HDAC9: variants seen among roughly 807,000 people sequenced by gnomAD.
The protein encoded by HDAC9 is MEF-2 interacting transcription repressor (MITR) protein.
A neutral mutation model predicts 139.4 loss-of-function variants in HDAC9; 41 were observed. That is an observed-to-expected ratio of 0.29 (90% CI 0.23 to 0.38). HDAC9 has a LOEUF of 0.38. Among genes scored for constraint, HDAC9 ranks in the 10% least tolerant of loss-of-function variants. The pLI, the probability that HDAC9 is intolerant of heterozygous loss-of-function variation, is 1.00. For synonymous variants in HDAC9, 517 were observed against 476.2 expected (o/e 1.09, Z -1.12); for missense variants, 1,147 against 1,297.0 (o/e 0.88, Z 1.78).
chr7:18,333,075 C>A (rs1011498726), intron 1 of HDAC9, among the ~76,000 whole-genome samples: 1 of 151,328 alleles, frequency 6.6e-6, no homozygotes, highest in Non-Finnish European at 1.5e-5. Flanking sequence ...ATACTGTATT[C>A]TCTGATCACA....
At chr7:18,845,140 G>T (rs552228578) in intron 21 of HDAC9, among the ~76,000 whole-genome samples, 1 of 152,110 alleles carries the variant, frequency 6.6e-6, no homozygotes, top group South Asian at 2.1e-4. Flanking sequence ...GGTTTTTTGA[G>T]GGTGTGACAA....
chr7:18,931,289 A>G (rs1457856340), intron 22 of HDAC9, among the ~76,000 whole-genome samples: 1 of 152,036 alleles, frequency 6.6e-6, no homozygotes, highest in East Asian at 1.9e-4. Flanking sequence ...CATTCTTTTT[A>G]TTGTCATCCC....
intron 15 of HDAC9, 45 bp downstream of exon 15, chr7:18,762,322 C>T: frequency 6.2e-7 from 1 of 1,602,072 alleles, no homozygotes; most frequent in Non-Finnish European, 8.5e-7. Context: ...CATTCCAGCA[C>T]TATCATTAGT....
intron 2 of HDAC9, among the ~76,000 whole-genome samples, chr7:18,210,294 T>C (rs1791846328): frequency 6.6e-6 from 1 of 152,342 alleles, no homozygotes; most frequent in East Asian, 1.9e-4. Context: ...AATTAGATTG[T>C]TAATTTTCAA....
Position 18,484,982 on chromosome 7 carries a change from CAT to C in HDAC9, c.-41-11278_-41-11277del, listed in dbSNP as rs550402354. ...AGTACCATTGAGAATTTCCTTCAGA[CAT>C]AGCCAAAATAAGACAACAGTCCCTG... On this transcript the variant is annotated intron_variant, in intron 1 of 3. Coordinates refer to the HDAC9 transcript ENST00000413509. Among the ~76,000 whole-genome samples, 12 of 152,252 alleles carry C rather than the reference CAT, an allele frequency of 7.9e-5. No homozygotes were observed. The South Asian group carries it at 2.5e-3, about 32-fold the overall frequency.
At chr7:18,361,539 A>G (rs1242937798) in intron 1 of HDAC9, among the ~76,000 whole-genome samples, 4 of 152,196 alleles carry the variant, frequency 2.6e-5, no homozygotes, top group Non-Finnish European at 4.4e-5. Flanking sequence ...CTTATTCTGT[A>G]TATTTGGTAA....
rs913802216 is a variant in HDAC9 at position 18,850,468 on chromosome 7, A to G, written c.2684+14471A>G. 3.3e-5 allele frequency among the ~76,000 whole-genome samples: 5 copies of G among 152,182 alleles called. No homozygotes were observed. The East Asian group carries it at 9.6e-4, about 29-fold the overall frequency. Reference sequence around the variant, plus strand: ...ACCTACAGAATGCTTTCTTCTGTGGACCATTAGTAGATTTTTTCCTGAGCC... The same window carrying G: ...ACCTACAGAATGCTTTCTTCTGTGGGCCATTAGTAGATTTTTTCCTGAGCC... On this transcript the variant is annotated intron_variant, in intron 21 of 25. Transcript: ENST00000686413.
intron 6 of HDAC9, among the ~76,000 whole-genome samples, chr7:18,619,420 C>T (rs1243684477): frequency 6.6e-6 from 1 of 152,100 alleles, no homozygotes; most frequent in East Asian, 1.9e-4. Flanking sequence ...TATGTTCTTG[C>T]TAAGTACTGG....
At chr7:18,986,691 TC>T (rs1785386077) in intron 25 of HDAC9, among the ~76,000 whole-genome samples, 2 of 152,344 alleles carry the variant, frequency 1.3e-5, no homozygotes, top group African/African-American at 4.8e-5. Context: ...GATTGATTCT[TC>T]CTACCCATGA....
intron 23 of HDAC9, among the ~76,000 whole-genome samples, chr7:18,938,581 G>A (rs1781815650): frequency 6.6e-6 from 1 of 151,630 alleles, no homozygotes; most frequent in South Asian, 2.1e-4. Flanking sequence ...GGCGACAGAG[G>A]CGAGACTCCG....
At chr7:18,187,895 A>T (rs1284818868) in intron 2 of HDAC9, among the ~76,000 whole-genome samples, 1 of 152,182 alleles carries the variant, frequency 6.6e-6, no homozygotes, top group Non-Finnish European at 1.5e-5. Context: ...CATGTTTCCC[A>T]GGCTTGTCTG....
At chr7:18,417,122 C>A (rs1294551205) in intron 1 of HDAC9, among the ~76,000 whole-genome samples, 1 of 152,108 alleles carries the variant, frequency 6.6e-6, no homozygotes, top group African/African-American at 2.4e-5. Flanking sequence ...TTTTTATTAT[C>A]TAATTTTCTA....
rs572949321 is a variant in HDAC9 at position 18,581,718 on chromosome 7, A to T, written c.23-3563A>T. On this transcript the variant is annotated intron_variant, in intron 2 of 25. Coordinates refer to ENST00000686413, the MANE Select transcript of HDAC9 (RefSeq NM_178425.4). Reference sequence around the variant, plus strand: ...ATTAACTGCCATTGCTTTTGGTTGGAATTATGCCAAGTCTTTTAGTTAATA... The same window carrying T: ...ATTAACTGCCATTGCTTTTGGTTGGTATTATGCCAAGTCTTTTAGTTAATA... Among the ~76,000 whole-genome samples the T allele has an allele frequency of 8.5e-5, 13 of 152,262 alleles. No homozygotes were observed. The South Asian group carries it at 2.7e-3, about 32-fold the overall frequency.
At chr7:18,741,921 G>C (rs1787497716) in intron 13 of HDAC9, among the ~76,000 whole-genome samples, 1 of 152,190 alleles carries the variant, frequency 6.6e-6, no homozygotes, top group African/African-American at 2.4e-5. Flanking sequence ...ATTAGAAATG[G>C]AACCTCAATA....
intron 2 of HDAC9, among the ~76,000 whole-genome samples, chr7:18,547,147 C>A (rs1368073677): frequency 3.3e-5 from 5 of 152,200 alleles, no homozygotes; most frequent in Non-Finnish European, 7.3e-5. Flanking sequence ...GAGTCACAAC[C>A]TTTTTTGCTG....
At chr7:18,611,867 G>A (rs1166976815) in intron 6 of HDAC9, among the ~76,000 whole-genome samples, 1 of 152,038 alleles carries the variant, frequency 6.6e-6, no homozygotes, top group Non-Finnish European at 1.5e-5. Context: ...TATTTTCAAT[G>A]GAAAACAAAT....
At chr7:18,173,786 G>A (rs1446861741) in intron 2 of HDAC9, among the ~76,000 whole-genome samples, 1 of 152,152 alleles carries the variant, frequency 6.6e-6, no homozygotes, top group Non-Finnish European at 1.5e-5. Context: ...CTCTCTTCTG[G>A]CTTGTAGGGT....
Position 18,672,457 on chromosome 7 carries a change from C to A in HDAC9, c.1731+5981C>A, listed in dbSNP as rs146076648. ...TTTAGATATATTTTGTGTAGTAGAC[C>A]TTTATCGGGTATATAAGTTGCAAAT... On this transcript the variant is annotated intron_variant, in intron 12 of 25. Transcript: ENST00000686413. 9.7e-4 allele frequency among the ~76,000 whole-genome samples: 148 copies of A among 152,028 alleles called. 1 individual carries two copies. Among genetic ancestry groups the A allele is most frequent in the Non-Finnish European group, 1.4e-3 (96 of 67,944 alleles).
At chr7:18,185,959 A>C (rs1459043233) in intron 2 of HDAC9, among the ~76,000 whole-genome samples, 1 of 152,230 alleles carries the variant, frequency 6.6e-6, no homozygotes, top group East Asian at 1.9e-4. Flanking sequence ...ATATTGCTGA[A>C]TTGCAGTGAC....
Sources: gnomAD v4.1 joint callset for allele counts (sites outside exome capture counted in the v4.1 genomes callset) on GRCh38, gnomAD v4.1.1 for gene constraint, MANE v1.5 for transcripts, NCBI Gene and HGNC (gene_info 2026-07-23, HGNC 2026-07-21) for gene names.